PTPRT: variants seen among roughly 807,000 people sequenced by gnomAD.
PTPRT encodes receptor-type tyrosine-protein phosphatase T.
Under a neutral mutation model 176.8 loss-of-function variants are expected in PTPRT, and 56 were observed. That is an observed-to-expected ratio of 0.32 (90% CI 0.26 to 0.40). The LOEUF (loss-of-function observed/expected upper bound fraction) is 0.40. PTPRT is among the 10% of genes least tolerant of loss of function. The pLI is 1.00. For missense variants in PTPRT, 1,540 were observed against 1,908.2 expected, an observed-to-expected ratio of 0.81 and a Z score of 3.60; for synonymous variants, 783 against 739.0, an observed-to-expected ratio of 1.06 and a Z score of -0.96.
intron 17 of PTPRT, among the ~76,000 whole-genome samples, chr20:42,159,204 CTTT>C (rs36084546): frequency 8.0e-6 from 1 of 124,926 alleles, no homozygotes; most frequent in Non-Finnish European, 1.7e-5. Flanking sequence ...TCCTTTCTTT[CTTT>C]TTTTTTTTTC....
At chr20:42,771,258 G>A (rs895297452) in intron 5 of PTPRT, among the ~76,000 whole-genome samples, 177 bp downstream of exon 5, 1 of 152,076 alleles carries the variant, frequency 6.6e-6, no homozygotes, top group Non-Finnish European at 1.5e-5. Context: ...GACCTCTCCC[G>A]CCTGGACCTA....
chr20:43,057,548 G>C (rs1987295257), intron 1 of PTPRT, among the ~76,000 whole-genome samples: 1 of 152,182 alleles, frequency 6.6e-6, no homozygotes, highest in South Asian at 2.1e-4. Context: ...AAATAAGGTA[G>C]ATCTCTAAGT....
At chr20:42,347,198 G>C (rs1399518806) in intron 11 of PTPRT, among the ~76,000 whole-genome samples, 1 of 152,326 alleles carries the variant, frequency 6.6e-6, no homozygotes, top group East Asian at 1.9e-4. Context: ...GTGAGGATCA[G>C]ATAATACAAT....
the PTPRT span, among the ~76,000 whole-genome samples, chr20:42,038,893 A>G: frequency 1.3e-5 from 2 of 152,168 alleles, no homozygotes; most frequent in African/African-American, 4.8e-5. Flanking sequence ...AGAGGGAGTC[A>G]CCAGTGGGCA....
chr20:43,108,228 C>T (rs2012702007), intron 1 of PTPRT, among the ~76,000 whole-genome samples: 1 of 152,170 alleles, frequency 6.6e-6, no homozygotes, highest in Admixed American at 6.5e-5. Flanking sequence ...CCTCTTGGAA[C>T]TCTAGTTTTG....
intron 4 of PTPRT, among the ~76,000 whole-genome samples, chr20:42,772,299 G>C (rs2077074292): frequency 6.6e-6 from 1 of 152,212 alleles, no homozygotes; most frequent in Non-Finnish European, 1.5e-5. Context: ...CTATTACACA[G>C]TGAATGAACT....
chr20:42,404,460 G>A (rs529980209), intron 9 of PTPRT, among the ~76,000 whole-genome samples: 1 of 152,052 alleles, frequency 6.6e-6, no homozygotes, highest in Admixed American at 6.6e-5. Context: ...TCCATTTTTT[G>A]CCTGTGCCAG....
intron 15 of PTPRT, among the ~76,000 whole-genome samples, chr20:42,216,775 C>T (rs970239765): frequency 2.0e-5 from 3 of 152,134 alleles, no homozygotes; most frequent in Admixed American, 2.0e-4. Context: ...CACCAAATTT[C>T]TGTATTTAAG....
intron 1 of PTPRT, among the ~76,000 whole-genome samples, chr20:43,035,718 T>C (rs1484259956): frequency 6.6e-6 from 1 of 152,228 alleles, no homozygotes; most frequent in Non-Finnish European, 1.5e-5. Context: ...AAAGATTAAG[T>C]GCAAAGAAGT....
At chr20:42,094,944 G>C (rs1233918076) in intron 27 of PTPRT, among the ~76,000 whole-genome samples, 1 of 152,096 alleles carries the variant, frequency 6.6e-6, no homozygotes, top group African/African-American at 2.4e-5. Context: ...TCTTTAACTC[G>C]TGGCCTCAAC....
chr20:42,869,461 T>C (rs572529956), intron 2 of PTPRT, among the ~76,000 whole-genome samples: 518 of 152,364 alleles, frequency 3.4e-3, no homozygotes, highest in Non-Finnish European at 6.5e-3. Flanking sequence ...GATTTAATGC[T>C]GTTTGTCTTC....
intron 9 of PTPRT, among the ~76,000 whole-genome samples, chr20:42,404,431 T>C (rs1056522804): frequency 3.3e-5 from 5 of 152,146 alleles, no homozygotes; most frequent in Non-Finnish European, 5.9e-5. Flanking sequence ...ACAAAAATTA[T>C]GGTTTTCTGG....
rs561360558 is a variant in PTPRT, at chr20:42,533,420, A to T, written c.1154-60858T>A. The stretch of plus-strand genomic sequence containing the variant: ...TTTCTGAAGACCACAGATGGAGCTG[A>T]CAAGGAACCATGATGTCTTTCAGTC... On this transcript the variant is annotated intron_variant, in intron 7 of 30. Coordinates refer to ENST00000373187, the MANE Select transcript of PTPRT (RefSeq NM_007050.6). Among the ~76,000 whole-genome samples, 65 of 152,302 alleles carry T rather than the reference A, an allele frequency of 4.3e-4. 1 individual carries two copies. Among genetic ancestry groups the T allele is most frequent in the Non-Finnish European group, 4.1e-4 (28 of 68,032 alleles).
intron 17 of PTPRT, among the ~76,000 whole-genome samples, chr20:42,155,735 C>T (rs551633800): frequency 4.6e-5 from 7 of 152,282 alleles, no homozygotes; most frequent in South Asian, 4.1e-4. Flanking sequence ...TATGGCTCTA[C>T]ATGCAGAAAA....
At chr20:42,622,224 GC>G (rs1273636343) in intron 7 of PTPRT, among the ~76,000 whole-genome samples, 2 of 151,536 alleles carry the variant, frequency 1.3e-5, no homozygotes, top group African/African-American at 4.9e-5. Context: ...AGTACATGTA[GC>G]TTTTTCTCTA....
rs11482986 is a variant in PTPRT at position 43,120,277 on chromosome 20, G to GTT, written c.88+69367_88+69368dup. ...CCTGTCCCTACCACTTCCAGATCCA[G>GTT]TTTTTTTTTTTTTAAATGGAGTCTC... On this transcript the variant is annotated intron_variant, in intron 1 of 30. Coordinates refer to ENST00000373187, the MANE Select transcript of PTPRT (RefSeq NM_007050.6). Among the ~76,000 whole-genome samples the GTT allele has an allele frequency of 6.2e-3, 923 of 147,684 alleles. 3 individuals carry two copies. The highest frequency in any genetic ancestry group is 0.01 in the Middle Eastern group (3 of 290).
At chr20:42,053,362 T>C in the PTPRT span, among the ~76,000 whole-genome samples, 3 of 152,198 alleles carry the variant, frequency 2.0e-5, no homozygotes, top group African/African-American at 7.2e-5. Context: ...TGTGGTCTTC[T>C]TCCCAGCCCA....
At chr20:42,069,373 G>T (rs568349489), downstream of PTPRT, among the ~76,000 whole-genome samples, 1 of 152,306 alleles carries the variant, frequency 6.6e-6, no homozygotes, top group Non-Finnish European at 1.5e-5. Flanking sequence ...CTGAGCAAGA[G>T]ATTTTTTTTT....
chr20:42,800,134 G>A (rs1465445182), intron 2 of PTPRT, among the ~76,000 whole-genome samples: 1 of 152,214 alleles, frequency 6.6e-6, no homozygotes, highest in African/African-American at 2.4e-5. Context: ...CTATGAGGTA[G>A]TGACTACTAT....
Sources: gnomAD v4.1 joint callset for allele counts (sites outside exome capture counted in the v4.1 genomes callset) on GRCh38, gnomAD v4.1.1 for gene constraint, MANE v1.5 for transcripts, NCBI Gene and HGNC (gene_info 2026-07-23, HGNC 2026-07-21) for gene names.